Variants in TMEM14C observed in about 807,000 individuals in gnomAD.
The protein encoded by TMEM14C is transmembrane protein 14C, also known as chromosome 6 open reading frame 53.
Under a neutral mutation model 14.8 loss-of-function variants are expected in TMEM14C, and 13 were observed. The ratio of observed to expected loss-of-function variants is 0.88; its 90% CI spans 0.57 to 1.40. TMEM14C has a LOEUF of 1.40. Among genes scored for constraint, TMEM14C ranks in the 40% most tolerant of loss-of-function variants. The probability of loss-of-function intolerance (pLI) is 0.00; values close to 1 mark genes in which losing one functional copy is unlikely to be tolerated. For missense variants in TMEM14C, 142 were observed against 138.8 expected (o/e 1.02, Z -0.12); for synonymous variants, 57 against 51.3 (o/e 1.11, Z -0.48).
chr6:10,726,096 T>C, intron 4 of TMEM14C, 88 bp downstream of exon 4: 1 of 1,404,978 alleles, frequency 7.1e-7, no homozygotes, highest in Non-Finnish European at 1.0e-6. Flanking sequence ...ATGGGGTGAG[T>C]TCTTCACACT....
chr6:10,728,633 T>C lies in TMEM14C; in HGVS notation c.200-7T>C, dbSNP rs753992207. Reference sequence around the variant, plus strand: ...GTTTTAACACTTCTTTATATGTTTTTCATCAGCTACATCTGGTACCTTGGC... The same window carrying C: ...GTTTTAACACTTCTTTATATGTTTTCCATCAGCTACATCTGGTACCTTGGC... On this transcript the variant is annotated splice_region_variant and splice_polypyrimidine_tract_variant and intron_variant, in intron 4 of 5. Coordinates refer to ENST00000229563, the MANE Select transcript of TMEM14C (RefSeq NM_016462.4). 6.2e-7 allele frequency: 1 copy of C among 1,613,824 alleles called. No homozygotes were observed. The highest frequency in any genetic ancestry group is 1.1e-5 in the South Asian group (1 of 91,064).
At chr6:10,728,284 A>G (rs1269335767) in intron 4 of TMEM14C, among the ~76,000 whole-genome samples, 1 of 152,228 alleles carries the variant, frequency 6.6e-6, no homozygotes, top group Non-Finnish European at 1.5e-5. Context: ...ACAGATACCC[A>G]GTGGGAATTG....
intron 5 of TMEM14C, 40 bp from the exon 6 acceptor site, chr6:10,730,575 T>C: frequency 1.2e-6 from 2 of 1,604,830 alleles, no homozygotes; most frequent in Non-Finnish European, 1.7e-6. Flanking sequence ...GCCTGTTCTG[T>C]CCTTTACCTG....
chr6:10,728,903 T>C, intron 5 of TMEM14C, 176 bp downstream of exon 5: 1 of 1,438,334 alleles, frequency 7.0e-7, no homozygotes, highest in African/African-American at 1.4e-5. Context: ...AATGTCAAAA[T>C]GGCATGAGTA....
At chr6:10,726,611 A>C (rs1770869418) in intron 4 of TMEM14C, among the ~76,000 whole-genome samples, 1 of 152,144 alleles carries the variant, frequency 6.6e-6, no homozygotes, top group Non-Finnish European at 1.5e-5. Context: ...AATCACTTGA[A>C]CCTGGGAGGC....
chr6:10,730,281 G>C (rs1770989048), intron 5 of TMEM14C, among the ~76,000 whole-genome samples: 1 of 152,108 alleles, frequency 6.6e-6, no homozygotes, highest in Non-Finnish European at 1.5e-5. Flanking sequence ...TCAGTGTGGA[G>C]CAAGGTCTAG....
In TMEM14C at chr6:10,723,762, G is replaced by A. The variant is rs6916198; in HGVS notation, c.-45+521G>A. 9.4e-3 allele frequency among the ~76,000 whole-genome samples: 1,423 copies of A among 152,018 alleles called. 20 individuals are homozygous for A. The highest frequency in any genetic ancestry group is 0.033 in the African/African-American group (1,360 of 41,440). ...TTTACAGTCGCATATCACCATGCGC[G>A]ATTAATTTTTTTATATTTTTTAGTA... On this transcript the variant is annotated intron_variant, in intron 1 of 5. Transcript: ENST00000229563.
In TMEM14C at chr6:10,730,600, G is replaced by T. The variant is rs763057103; in HGVS notation, c.288-15G>T. The T allele has an allele frequency of 6.2e-7, 1 of 1,610,632 alleles. No individual in the cohort carries two copies. Among genetic ancestry groups the T allele is most frequent in the Non-Finnish European group, 8.5e-7 (1 of 1,177,942 alleles). ...TCCTTTACCTGACATTTTCTATCTT[G>T]TTTCTTTTAAACAGTTTGCTGATGG... On this transcript the variant is annotated splice_polypyrimidine_tract_variant and intron_variant, in intron 5 of 5. Coordinates refer to ENST00000229563, the MANE Select transcript of TMEM14C (RefSeq NM_016462.4).
chr6:10,728,542 C>A (rs535922643), intron 4 of TMEM14C, 98 bp from the exon 5 acceptor site: 2 of 1,249,528 alleles, frequency 1.6e-6, no homozygotes, highest in East Asian at 2.4e-5. Context: ...TAGGATGAGG[C>A]GTGAGCCTTG....
chr6:10,724,721 C>A, intron 2 of TMEM14C, 88 bp downstream of exon 2: 1 of 1,512,224 alleles, frequency 6.6e-7, no homozygotes, highest in Non-Finnish European at 9.1e-7. Context: ...TAAGAGTAGA[C>A]TGCCTGGGAT....
rs527265529 is a variant in TMEM14C at position 10,726,304 on chromosome 6, G to A, written c.199+296G>A. ...GTATCAACCGTTGAGGTTGCCCACT[G>A]AAGACCTTTGGCTTCAGCATCACTA... On this transcript the variant is annotated intron_variant, in intron 4 of 5. Coordinates refer to ENST00000229563, the MANE Select transcript of TMEM14C (RefSeq NM_016462.4). Among the ~76,000 whole-genome samples the A allele has an allele frequency of 1.7e-3, 262 of 152,328 alleles. 1 individual carries two copies. The highest frequency in any genetic ancestry group is 2.7e-3 in the Non-Finnish European group (185 of 68,026).
At chr6:10,727,528 A>G (rs1770899227) in intron 4 of TMEM14C, among the ~76,000 whole-genome samples, 1 of 152,072 alleles carries the variant, frequency 6.6e-6, no homozygotes, top group Admixed American at 6.5e-5. Context: ...TAGTAGAGAC[A>G]GGAGTTTCGC....
intron 2 of TMEM14C, 36 bp downstream of exon 2, chr6:10,724,669 C>G: frequency 1.2e-6 from 2 of 1,603,636 alleles, no homozygotes; most frequent in Non-Finnish European, 1.7e-6. Context: ...TAGCCAGGAG[C>G]TTCTGGAAAC....
intron 1 of TMEM14C, among the ~76,000 whole-genome samples, chr6:10,723,506 G>A (rs968457584): frequency 4.6e-5 from 7 of 151,748 alleles, no homozygotes; most frequent in African/African-American, 1.7e-4. Flanking sequence ...CTCTTTAAAA[G>A]CCTCCCTTAC....
Position 10,728,631 on chromosome 6 carries a change from T to C in TMEM14C, c.200-9T>C. On this transcript the variant is annotated splice_polypyrimidine_tract_variant and intron_variant, in intron 4 of 5. Transcript: ENST00000229563. ...GAGTTTTAACACTTCTTTATATGTT[T>C]TTCATCAGCTACATCTGGTACCTTG... 2 of 1,613,774 alleles carry C rather than the reference T, an allele frequency of 1.2e-6. No individual in the cohort carries two copies. The highest frequency in any genetic ancestry group is 1.7e-6 in the Non-Finnish European group (2 of 1,179,934).
intron 1 of TMEM14C, among the ~76,000 whole-genome samples, chr6:10,723,974 T>C: frequency 6.6e-6 from 1 of 152,184 alleles, no homozygotes; most frequent in East Asian, 1.9e-4. Context: ...CAGGATACTT[T>C]CTGTAAGAAA....
In TMEM14C at chr6:10,725,979, A is replaced by G. The variant is rs1453355893; in HGVS notation, c.170A>G (p.Gln57Arg). Residue 57 changes from glutamine (Q) to arginine (R), a missense_variant, in exon 4 of 6, where the codon CAG (glutamine) becomes CGG (arginine). By Grantham distance (43) the Gln-to-Arg change is conservative. Transcript: ENST00000229563. The part of the protein sequence containing the change: ...LAGLGAYQLS[Q>R]DPRNVWVFLA... ...GGCCTGGGTGCTTACCAGCTGTCTCAGGATCCAAGGAACGTTTGGGTTTTC... is the reference window on the plus strand; with the variant it reads ...GGCCTGGGTGCTTACCAGCTGTCTCGGGATCCAAGGAACGTTTGGGTTTTC... The G allele has an allele frequency of 1.2e-6, 2 of 1,614,130 alleles. No individual in the cohort carries two copies. The highest frequency in any genetic ancestry group is 1.1e-5 in the South Asian group (1 of 91,080).
In TMEM14C at chr6:10,730,764, T is replaced by C; in HGVS notation, c.*98T>C. The C allele has an allele frequency of 7.0e-7, 1 of 1,428,100 alleles. No homozygotes were observed. Among genetic ancestry groups the C allele is most frequent in the Admixed American group, 2.5e-5 (1 of 39,976 alleles). The allele number at this position is 1,428,100 out of a possible 1,614,324, so 88.5% of individuals were successfully genotyped here. On this transcript the variant is annotated 3_prime_UTR_variant, in exon 6 of 6. Coordinates refer to ENST00000229563, the MANE Select transcript of TMEM14C (RefSeq NM_016462.4). ...GAGAAATAAGTGCAGCATTTTTGCA[T>C]CTGACATTTTACCTAAAAAAAAAGA... is the stretch of plus-strand genomic sequence containing the variant.
chr6:10,726,085 G>C, intron 4 of TMEM14C, 77 bp downstream of exon 4: 2 of 1,523,896 alleles, frequency 1.3e-6, no homozygotes, highest in South Asian at 2.3e-5. Context: ...GGTTTGGTGG[G>C]ATGGGGTGAG....
Sources: gnomAD v4.1 joint callset for allele counts (sites outside exome capture counted in the v4.1 genomes callset) on GRCh38, gnomAD v4.1.1 for gene constraint, MANE v1.5 for transcripts, NCBI Gene and HGNC (gene_info 2026-07-23, HGNC 2026-07-21) for gene names.